The following BRAP variants were observed in gnomAD, a reference collection of about 807,000 sequenced individuals.
BRAP encodes BRCA1-associated protein.
Under a neutral mutation model 73.4 loss-of-function variants are expected in BRAP, and 42 were observed. That is an observed-to-expected ratio of 0.57 (90% CI 0.45 to 0.74). The LOEUF (loss-of-function observed/expected upper bound fraction) is 0.74, where lower values mean the gene tolerates loss of function less well. Among genes scored for constraint, BRAP ranks in the 30% least tolerant of loss-of-function variants. BRAP has a pLI of 0.00. For missense variants in BRAP, 593 were observed against 751.4 expected, an observed-to-expected ratio of 0.79 and a Z score of 2.46; for synonymous variants, 255 against 267.4, an observed-to-expected ratio of 0.95 and a Z score of 0.45.
chr12:111,662,506 C>T (rs756723180), intron 6 of BRAP, among the ~76,000 whole-genome samples: 7 of 151,662 alleles, frequency 4.6e-5, no homozygotes, highest in Admixed American at 6.6e-5. Flanking sequence ...GCTGAGATTG[C>T]GCCATTGCAC....
In BRAP at chr12:111,644,382, C is replaced by T. The variant is rs1299622901; in HGVS notation, c.1596G>A (p.Gln532=). Residue 532 remains glutamine, a synonymous_variant, in exon 12 of 12, where the codon CAG becomes CAA. Coordinates refer to ENST00000419234, the MANE Select transcript of BRAP (RefSeq NM_006768.5). ...CCAGGTAGAACATGACGTCACGCAG[C>T]TGCTCCTGGATCTCGGTGATCTGCA... ...KDLQITEIQE[Q]LRDVMFYLET... 6.2e-7 allele frequency: 1 copy of T among 1,614,026 alleles called. No homozygotes were observed. The highest frequency in any genetic ancestry group is 1.1e-5 in the South Asian group (1 of 91,048).
intron 2 of BRAP, 59 bp downstream of exon 2, chr12:111,683,087 T>A (rs1476755700): frequency 6.4e-7 from 1 of 1,552,150 alleles, no homozygotes; most frequent in South Asian, 1.2e-5. Flanking sequence ...ACACCGTGTA[T>A]AAAATAGGCA....
chr12:111,670,959 G>A (rs746481772), intron 5 of BRAP, among the ~76,000 whole-genome samples: 6 of 152,108 alleles, frequency 3.9e-5, no homozygotes, highest in Non-Finnish European at 7.4e-5. Context: ...AAGTAGCCGG[G>A]AGTGATGGCG....
intron 11 of BRAP, among the ~76,000 whole-genome samples, chr12:111,647,180 A>AAGT (rs1886138184): frequency 1.3e-5 from 2 of 152,190 alleles, no homozygotes; most frequent in Non-Finnish European, 2.9e-5. Flanking sequence ...TCAGACTAGG[A>AAGT]GGACCACTTG....
chr12:111,646,588 C>A (rs2135891110), intron 11 of BRAP, among the ~76,000 whole-genome samples: 1 of 152,228 alleles, frequency 6.6e-6, no homozygotes, highest in Non-Finnish European at 1.5e-5. Context: ...GCCTGGCCAA[C>A]ATGGTGAAGC....
chr12:111,679,066 T>C (rs1887495220), intron 4 of BRAP, 85 bp downstream of exon 4: 14 of 999,982 alleles, frequency 1.4e-5, no homozygotes, highest in Non-Finnish European at 1.8e-5. Context: ...GTGCAAAATG[T>C]TGTAAATCAC....
At chr12:111,667,459 G>C (rs1886987047) in intron 5 of BRAP, among the ~76,000 whole-genome samples, 1 of 152,000 alleles carries the variant, frequency 6.6e-6, no homozygotes, top group South Asian at 2.1e-4. Context: ...CCAGCACTTT[G>C]GGAGGCCGAG....
At chr12:111,661,775 G>C (rs973718273) in intron 6 of BRAP, among the ~76,000 whole-genome samples, 1 of 147,656 alleles carries the variant, frequency 6.8e-6, no homozygotes, top group Admixed American at 6.8e-5. Context: ...GCAGTGGCGC[G>C]ATCTCAGCTC....
chr12:111,657,852 C>T (rs1886592169), intron 9 of BRAP, among the ~76,000 whole-genome samples: 1 of 152,136 alleles, frequency 6.6e-6, no homozygotes, highest in Admixed American at 6.5e-5. Flanking sequence ...GTACTCTAGC[C>T]TGTAGCTACG....
intron 5 of BRAP, among the ~76,000 whole-genome samples, chr12:111,667,722 G>A (rs1311398165): frequency 2.7e-4 from 20 of 74,806 alleles, no homozygotes; most frequent in East Asian, 2.2e-3. Flanking sequence ...AAAAAAAAAA[G>A]CTCATACACA....
At chr12:111,654,333 T>G (rs78721705) in intron 10 of BRAP, among the ~76,000 whole-genome samples, 119 of 151,114 alleles carry the variant, frequency 7.9e-4, no homozygotes, top group African/African-American at 2.9e-3. Flanking sequence ...TTTTTTTTTT[T>G]GAGACAGAGT....
intron 4 of BRAP, among the ~76,000 whole-genome samples, 200 bp downstream of exon 4, chr12:111,678,951 C>T (rs143876100): frequency 4.6e-4 from 67 of 145,426 alleles, no homozygotes; most frequent in Middle Eastern, 3.5e-3. Context: ...TCATCTCTAC[C>T]GAAAAAAAAA....
chr12:111,662,604 A>G (rs1026233698), intron 6 of BRAP, among the ~76,000 whole-genome samples: 1 of 152,152 alleles, frequency 6.6e-6, no homozygotes, highest in African/African-American at 2.4e-5. Context: ...TAAAACCAAG[A>G]AAATGGAATA....
chr12:111,683,123 G>A, intron 2 of BRAP, 23 bp downstream of exon 2: 1 of 1,606,744 alleles, frequency 6.2e-7, no homozygotes, highest in Non-Finnish European at 8.5e-7. Context: ...ACAAAAGAGA[G>A]TCCAGGGTTT....
Position 111,681,727 on chromosome 12 carries a change from G to A in BRAP, c.353C>T (p.Pro118Leu). The change falls in exon 3 of 12, where the codon CCG (proline) becomes CTG (leucine). Residue 118 changes from proline (P) to leucine (L), a missense_variant. Transcript: ENST00000419234. Reference protein sequence around the residue: ...KECINAAPDSPSKQLPDQISF... With the variant: ...KECINAAPDSLSKQLPDQISF... ...AATCTGGTCTGGAAGCTGTTTGGAC[G>A]GAGAATCTGGGGCAGCGTTTATGCA... The A allele has an allele frequency of 1.9e-6, 3 of 1,614,100 alleles. No homozygotes were observed. The highest frequency in any genetic ancestry group is 2.5e-6 in the Non-Finnish European group (3 of 1,179,992).
chr12:111,676,740 A>T (rs1197498977), intron 4 of BRAP, among the ~76,000 whole-genome samples: 2 of 152,174 alleles, frequency 1.3e-5, no homozygotes, highest in East Asian at 3.9e-4. Flanking sequence ...GAGAGGATTC[A>T]AGGAGACAAT....
chr12:111,672,821 T>C, intron 4 of BRAP, 47 bp from the exon 5 acceptor site: 1 of 1,448,124 alleles, frequency 6.9e-7, no homozygotes, highest in Non-Finnish European at 9.6e-7. Flanking sequence ...ACAGATACCC[T>C]GAAAATCTGC....
intron 8 of BRAP, among the ~76,000 whole-genome samples, 169 bp from the exon 9 acceptor site, chr12:111,659,014 A>T (rs988736221): frequency 6.6e-6 from 1 of 152,164 alleles, no homozygotes; most frequent in Non-Finnish European, 1.5e-5. Flanking sequence ...GCAAGAATGG[A>T]AGTATTAACT....
At chr12:111,680,961 T>G (rs1838787374) in intron 3 of BRAP, among the ~76,000 whole-genome samples, 1 of 152,140 alleles carries the variant, frequency 6.6e-6, no homozygotes, top group Admixed American at 6.6e-5. Flanking sequence ...GTTAACTGAC[T>G]TCTTAGCAGC....
Sources: gnomAD v4.1 joint callset for allele counts (sites outside exome capture counted in the v4.1 genomes callset) on GRCh38, gnomAD v4.1.1 for gene constraint, MANE v1.5 for transcripts, NCBI Gene and HGNC (gene_info 2026-07-23, HGNC 2026-07-21) for gene names.